CNTNAP2: variants seen among roughly 807,000 people sequenced by gnomAD.
CNTNAP2 encodes the protein contactin-associated protein-like 2.
In CNTNAP2, 98 loss-of-function variants were observed where a neutral mutation model predicts 155.2. The ratio of observed to expected loss-of-function variants is 0.63; its 90% CI spans 0.54 to 0.75. CNTNAP2 has a LOEUF of 0.75. Ranked by LOEUF, CNTNAP2 falls within the 30% of genes least tolerant of loss-of-function variation. The pLI, the probability that CNTNAP2 is intolerant of heterozygous loss-of-function variation, is 0.00. For missense variants in CNTNAP2, 1,727 were observed against 1,688.1 expected (o/e 1.02, Z -0.40); for synonymous variants, 651 against 631.2 (o/e 1.03, Z -0.47).
At chr7:146,682,043 A>G (rs2129170041) in intron 1 of CNTNAP2, among the ~76,000 whole-genome samples, 1 of 152,250 alleles carries the variant, frequency 6.6e-6, no homozygotes, top group East Asian at 1.9e-4. Flanking sequence ...ATATATCATC[A>G]CTTTGGTGTT....
intron 18 of CNTNAP2, among the ~76,000 whole-genome samples, chr7:148,181,798 C>T (rs1015843588): frequency 8.9e-6 from 1 of 111,806 alleles, no homozygotes; most frequent in Non-Finnish European, 1.7e-5. Context: ...CGCACTGTCA[C>T]CCAGGCTGGA....
chr7:147,802,426 G>A (rs989383514), intron 13 of CNTNAP2, among the ~76,000 whole-genome samples: 14 of 152,134 alleles, frequency 9.2e-5, no homozygotes, highest in Non-Finnish European at 1.6e-4. Flanking sequence ...AAGGCAGGCG[G>A]CTGGGAGGTG....
At chr7:147,567,286 A>G (rs932653377) in intron 12 of CNTNAP2, among the ~76,000 whole-genome samples, 3 of 152,208 alleles carry the variant, frequency 2.0e-5, no homozygotes, top group Non-Finnish European at 4.4e-5. Context: ...CGGCTGAGAA[A>G]TCAGGAGAAG....
rs1258165048 is a variant in CNTNAP2, at chr7:147,866,116, C to T, written c.2099-37449C>T. On this transcript the variant is annotated intron_variant, in intron 13 of 23. Coordinates refer to ENST00000361727, the MANE Select transcript of CNTNAP2 (RefSeq NM_014141.6). Reference sequence around the variant, plus strand: ...TAAATGTGTCCCAGAGATTCTGGTACGTTGTGTCTTTGTTCTCATTGGTTT... The same window carrying T: ...TAAATGTGTCCCAGAGATTCTGGTATGTTGTGTCTTTGTTCTCATTGGTTT... 2.6e-5 allele frequency among the ~76,000 whole-genome samples: 4 copies of T among 152,110 alleles called. No individual in the cohort carries two copies. In the East Asian group the frequency reaches 5.8e-4, roughly 22 times the overall value.
intron 1 of CNTNAP2, among the ~76,000 whole-genome samples, chr7:146,148,372 G>T (rs546062302): frequency 2.0e-5 from 3 of 152,024 alleles, no homozygotes; most frequent in African/African-American, 7.2e-5. Context: ...AACATTGCTC[G>T]TCTGTTTCAA....
chr7:148,412,609 T>C (rs1363471975), intron 23 of CNTNAP2, among the ~76,000 whole-genome samples: 1 of 152,258 alleles, frequency 6.6e-6, no homozygotes, highest in Non-Finnish European at 1.5e-5. Flanking sequence ...TGTATATTCC[T>C]CAGAATTGTC....
chr7:146,540,265 G>A (rs926213502), intron 1 of CNTNAP2, among the ~76,000 whole-genome samples: 5 of 152,006 alleles, frequency 3.3e-5, no homozygotes, highest in Non-Finnish European at 5.9e-5. Flanking sequence ...AATGGTGTCC[G>A]TTTCAATGTT....
chr7:147,049,536 G>C (rs923513246), intron 4 of CNTNAP2, among the ~76,000 whole-genome samples: 2 of 88,126 alleles, frequency 2.3e-5, no homozygotes, highest in Non-Finnish European at 3.8e-5. Flanking sequence ...ATATAACTTT[G>C]AGTGGGGAAT....
Position 148,082,268 on chromosome 7 carries a change from T to G in CNTNAP2, c.2384-35850T>G, listed in dbSNP as rs560100574. Among the ~76,000 whole-genome samples the G allele has an allele frequency of 1.4e-4, 21 of 152,282 alleles. 1 individual carries two copies. In the South Asian group the frequency reaches 4.4e-3, roughly 32 times the overall value. ...AAGTCAGGGTTGGGACCAACAGAACTAGAACAATACTTGTATTTTGGCCCA... is the reference window on the plus strand; with the variant it reads ...AAGTCAGGGTTGGGACCAACAGAACGAGAACAATACTTGTATTTTGGCCCA... On this transcript the variant is annotated intron_variant, in intron 15 of 23. Coordinates refer to ENST00000361727, the MANE Select transcript of CNTNAP2 (RefSeq NM_014141.6).
chr7:148,331,556 T>C (rs1313841410), intron 21 of CNTNAP2, among the ~76,000 whole-genome samples: 2 of 149,356 alleles, frequency 1.3e-5, no homozygotes, highest in Non-Finnish European at 3.0e-5. Flanking sequence ...ATGGATGGAA[T>C]GGACGGATGG....
intron 2 of CNTNAP2, among the ~76,000 whole-genome samples, chr7:146,813,179 G>A (rs1803099589): frequency 6.6e-6 from 1 of 152,176 alleles, no homozygotes; most frequent in South Asian, 2.1e-4. Context: ...CTGCCTAGTG[G>A]AGTTGTGAGA....
At chr7:147,652,878 A>AT (rs1353414942) in intron 13 of CNTNAP2, among the ~76,000 whole-genome samples, 11 of 152,246 alleles carry the variant, frequency 7.2e-5, no homozygotes, top group South Asian at 2.1e-4. Context: ...CCCAAACTTT[A>AT]TTTTTTTGTT....
At chr7:146,293,401 T>C (rs1219800426) in intron 1 of CNTNAP2, among the ~76,000 whole-genome samples, 1 of 152,186 alleles carries the variant, frequency 6.6e-6, no homozygotes, top group Non-Finnish European at 1.5e-5. Flanking sequence ...TAATTAATAG[T>C]TTGACCTAGT....
chr7:146,170,403 C>A (rs1475610826), intron 1 of CNTNAP2, among the ~76,000 whole-genome samples: 1 of 152,104 alleles, frequency 6.6e-6, no homozygotes, highest in African/African-American at 2.4e-5. Flanking sequence ...AACCGAAGGG[C>A]ACAAGGGTTC....
At chr7:147,671,135 G>A (rs370495681) in intron 13 of CNTNAP2, among the ~76,000 whole-genome samples, 5 of 152,332 alleles carry the variant, frequency 3.3e-5, no homozygotes, top group African/African-American at 9.6e-5. Context: ...TCCTGCCTGC[G>A]CTGAAGCAGC....
At chr7:146,770,456 C>T (rs1392127395) in intron 1 of CNTNAP2, among the ~76,000 whole-genome samples, 1 of 151,566 alleles carries the variant, frequency 6.6e-6, no homozygotes, top group African/African-American at 2.4e-5. Context: ...GTAATTGTTG[C>T]ATTTTTTAGC....
chr7:146,123,897 C>T (rs890958023), intron 1 of CNTNAP2, among the ~76,000 whole-genome samples: 1 of 152,172 alleles, frequency 6.6e-6, no homozygotes, highest in African/African-American at 2.4e-5. Flanking sequence ...GACAAGTACA[C>T]ACCATGGAAT....
At chr7:146,513,206 T>C (rs1215060249) in intron 1 of CNTNAP2, among the ~76,000 whole-genome samples, 1 of 151,966 alleles carries the variant, frequency 6.6e-6, no homozygotes, top group East Asian at 1.9e-4. Flanking sequence ...GAGTTTCTTG[T>C]TAGAAGTATA....
chr7:146,301,790 C>T (rs1480295614), intron 1 of CNTNAP2, among the ~76,000 whole-genome samples: 2 of 152,102 alleles, frequency 1.3e-5, no homozygotes, highest in African/African-American at 2.4e-5. Flanking sequence ...CAAACATAAA[C>T]ACGGGAGGGA....
Sources: gnomAD v4.1 joint callset for allele counts (sites outside exome capture counted in the v4.1 genomes callset) on GRCh38, gnomAD v4.1.1 for gene constraint, MANE v1.5 for transcripts, NCBI Gene and HGNC (gene_info 2026-07-23, HGNC 2026-07-21) for gene names.